The following POTEG variants were observed in gnomAD, a reference collection of about 807,000 sequenced individuals.
POTEG encodes ANKRD26-like family C member 2.
Under a neutral mutation model 49.6 loss-of-function variants are expected in POTEG, and 2 were observed. The observed-to-expected ratio is 0.04, with a 90% CI of 0.02 to 0.13. POTEG has a LOEUF of 0.13. POTEG is among the 10% of genes least tolerant of loss of function. The pLI is 1.00. For missense variants in POTEG, 26 were observed against 545.2 expected, an observed-to-expected ratio of 0.05 and a Z score of 9.48; for synonymous variants, 7 against 186.6, an observed-to-expected ratio of 0.04 and a Z score of 7.84.
intron 1 of POTEG, among the ~76,000 whole-genome samples, chr14:19,432,405 C>T (rs866118468): frequency 0.019 from 712 of 37,894 alleles, 9 homozygotes; most frequent in South Asian, 0.027. Context: ...TATATATATA[C>T]ACACACATGT....
chr14:19,424,793 CAT>C (rs1883889526), intron 4 of POTEG: 1 of 38,450 alleles, frequency 2.6e-5, no homozygotes, highest in East Asian at 7.5e-4. Flanking sequence ...TTAAATGCCA[CAT>C]ATATCTTTCT....
intron 7 of POTEG, among the ~76,000 whole-genome samples, chr14:19,415,355 G>C (rs1294359941): frequency 6.9e-6 from 1 of 144,158 alleles, no homozygotes; most frequent in African/African-American, 2.5e-5. Flanking sequence ...CCTTTAATAG[G>C]CAGTTGGGTT....
At chr14:19,414,951 T>A (rs1375999900) in intron 7 of POTEG, among the ~76,000 whole-genome samples, 1 of 137,374 alleles carries the variant, frequency 7.3e-6, no homozygotes, top group Non-Finnish European at 1.6e-5. Context: ...CAAAAATGAA[T>A]CAGCAGATCA....
intron 1 of POTEG, among the ~76,000 whole-genome samples, chr14:19,430,754 G>C (rs1392461009): frequency 8.3e-6 from 1 of 121,144 alleles, no homozygotes; most frequent in Non-Finnish European, 1.8e-5. Context: ...CTGTAGAGTA[G>C]GGCAATACAT....
At chr14:19,433,584 A>G (rs1884248218) in intron 1 of POTEG, among the ~76,000 whole-genome samples, 185 bp downstream of exon 1, 2 of 135,928 alleles carry the variant, frequency 1.5e-5, no homozygotes, top group Admixed American at 7.7e-5. Flanking sequence ...GAAATCAGCT[A>G]AAGTTTTGTT....
intron 7 of POTEG, among the ~76,000 whole-genome samples, chr14:19,415,719 C>A (rs1883529677): frequency 6.6e-6 from 1 of 151,632 alleles, no homozygotes; most frequent in Non-Finnish European, 1.5e-5. Context: ...TTTTAAATTT[C>A]ATAGTGGGTT....
chr14:19,406,601 A>G (rs1463233096), intron 9 of POTEG, among the ~76,000 whole-genome samples: 1 of 48,976 alleles, frequency 2.0e-5, no homozygotes, highest in African/African-American at 5.9e-5. Context: ...TAATTAAACT[A>G]AAAACCTTCA....
chr14:19,432,432 G>C (rs375115933), intron 1 of POTEG, among the ~76,000 whole-genome samples: 1 of 63,930 alleles, frequency 1.6e-5, no homozygotes, highest in Admixed American at 1.8e-4. Context: ...ATGTATATAC[G>C]TATATATATA....
intron 1 of POTEG, among the ~76,000 whole-genome samples, chr14:19,432,303 G>T (rs1296065216): frequency 1.2e-5 from 1 of 80,526 alleles, no homozygotes; most frequent in Non-Finnish European, 2.4e-5. Context: ...AGCCGAGATC[G>T]CACCACTGCA....
chr14:19,426,397 GAC>G lies in POTEG; in HGVS notation c.811-687_811-686del, dbSNP rs1883947019. On this transcript the variant is annotated intron_variant, in intron 3 of 10. Transcript: ENST00000547848. ...TGCCAAAGCTCTACATACTTAAAGAGACACACTGGACAGTCCACAATACAGCT... is the reference window on the plus strand; with the variant it reads ...TGCCAAAGCTCTACATACTTAAAGAGACACTGGACAGTCCACAATACAGCT... Among the ~76,000 whole-genome samples the G allele has an allele frequency of 2.0e-5, 3 of 150,746 alleles. No homozygotes were observed. The South Asian group carries it at 6.3e-4, about 32-fold the overall frequency.
chr14:19,414,727 T>C, intron 7 of POTEG, 121 bp from the exon 8 acceptor site: 4 of 1,167,828 alleles, frequency 3.4e-6, no homozygotes, highest in Non-Finnish European at 2.2e-6. Context: ...CAATAAAAAT[T>C]AGAAAATAAT....
chr14:19,415,721 T>C (rs371853887), intron 7 of POTEG, among the ~76,000 whole-genome samples: 1,389 of 145,956 alleles, frequency 9.5e-3, no homozygotes, highest in African/African-American at 0.034. Flanking sequence ...TTAAATTTCA[T>C]AGTGGGTTAT....
intron 5 of POTEG, chr14:19,423,611 C>G: frequency 6.0e-6 from 1 of 167,950 alleles, no homozygotes; most frequent in Non-Finnish European, 1.3e-5. Flanking sequence ...ACCGATTCAT[C>G]TTAAGGCAGC....
chr14:19,408,942 A>ATATACAAATAT (rs1883366841), intron 9 of POTEG, among the ~76,000 whole-genome samples: 1 of 150,856 alleles, frequency 6.6e-6, no homozygotes, highest in Non-Finnish European at 1.5e-5. Flanking sequence ...TTACCAGTAA[A>ATATACAAATAT]AGAATAGTGA....
At chr14:19,415,820 T>C (rs1202587736) in intron 7 of POTEG, among the ~76,000 whole-genome samples, 41 of 150,876 alleles carry the variant, frequency 2.7e-4, no homozygotes, top group African/African-American at 8.9e-4. Context: ...ATTTTAAGAA[T>C]CTATTAAAAT....
chr14:19,432,377 T>C (rs1460073240), intron 1 of POTEG, among the ~76,000 whole-genome samples: 1 of 62,468 alleles, frequency 1.6e-5, no homozygotes, highest in Non-Finnish European at 3.9e-5. Context: ...TATATATATA[T>C]ATATATATAT....
intron 7 of POTEG, among the ~76,000 whole-genome samples, chr14:19,415,829 A>ATATTCTTTTTTTT (rs1491555758): frequency 1.0e-5 from 1 of 96,700 alleles, no homozygotes; most frequent in Admixed American, 1.0e-4. Flanking sequence ...ATCTATTAAA[A>ATATTCTTTTTTTT]TTTTTTTTTT....
At chr14:19,426,285 G>C (rs1252017218) in intron 3 of POTEG, among the ~76,000 whole-genome samples, 3 of 148,306 alleles carry the variant, frequency 2.0e-5, no homozygotes, top group South Asian at 4.3e-4. Flanking sequence ...TCAGTTCATA[G>C]GACTACTGAA....
At chr14:19,418,723 A>T (rs1358970568) in intron 6 of POTEG, among the ~76,000 whole-genome samples, 5 of 16,874 alleles carry the variant, frequency 3.0e-4, no homozygotes, top group African/African-American at 2.0e-3. Flanking sequence ...TTCACCAGAA[A>T]ATTTCCTACT....
Sources: allele counts gnomAD v4.1 joint callset (sites outside exome capture counted in the v4.1 genomes callset), GRCh38; gene constraint gnomAD v4.1.1; transcripts MANE v1.5; gene names NCBI Gene and HGNC (gene_info 2026-07-23, HGNC 2026-07-21).